ADARB2: variants seen among roughly 807,000 people sequenced by gnomAD.
The protein encoded by ADARB2 is inactive double-stranded RNA-specific editase B2.
ADARB2 carries 25 observed loss-of-function variants against 62.2 expected under a neutral mutation model. The observed-to-expected ratio is 0.40, with a 90% CI of 0.29 to 0.56. ADARB2 has a LOEUF of 0.56. Among genes scored for constraint, ADARB2 ranks in the 20% least tolerant of loss-of-function variants. The pLI, the probability that ADARB2 is intolerant of heterozygous loss-of-function variation, is 0.43. For missense variants in ADARB2, 1,071 were observed against 1,077.4 expected, an observed-to-expected ratio of 0.99 and a Z score of 0.08; for synonymous variants, 572 against 500.8, an observed-to-expected ratio of 1.14 and a Z score of -1.90.
intron 1 of ADARB2, among the ~76,000 whole-genome samples, chr10:1,421,318 C>T (rs544181278): frequency 6.6e-6 from 1 of 151,832 alleles, no homozygotes; most frequent in East Asian, 1.9e-4. Context: ...ACCCCACCCA[C>T]GCTCAGCTGT....
intron 1 of ADARB2, among the ~76,000 whole-genome samples, chr10:1,423,589 CCACTATGTATGCAGTAAGAT>C (rs1484304012): frequency 6.6e-6 from 1 of 151,966 alleles, no homozygotes; most frequent in East Asian, 1.9e-4. Context: ...TGCAGTAGGT[CCACTATGTATGCAGTAAGAT>C]CACTGTGTAT....
At chr10:1,241,557 C>T (rs1030970296) in intron 5 of ADARB2, among the ~76,000 whole-genome samples, 2 of 152,224 alleles carry the variant, frequency 1.3e-5, no homozygotes, top group Admixed American at 1.3e-4. Flanking sequence ...CCACGTGCTG[C>T]AAACCACCTG....
intron 1 of ADARB2, among the ~76,000 whole-genome samples, chr10:1,697,611 G>A (rs1834763584): frequency 6.6e-6 from 1 of 152,202 alleles, no homozygotes; most frequent in Admixed American, 6.5e-5. Context: ...ATGAGAAATT[G>A]GCTGCTTTGT....
At chr10:1,276,087 C>A (rs1831313589) in intron 3 of ADARB2, among the ~76,000 whole-genome samples, 1 of 152,096 alleles carries the variant, frequency 6.6e-6, no homozygotes, top group South Asian at 2.1e-4. Flanking sequence ...GCCACACTGA[C>A]TTCCACAATG....
In ADARB2 at chr10:1,227,201, C is replaced by T. The variant is rs1017813203; in HGVS notation, c.1513+6493G>A. On this transcript the variant is annotated intron_variant, in intron 6 of 9. Coordinates refer to ENST00000381312, the MANE Select transcript of ADARB2 (RefSeq NM_018702.4). ...GAGACTCCGTGGGTGTAGGACCCTC[C>T]GAGCCAGGTGTGGAATATAATCTCC... 1.6e-4 allele frequency among the ~76,000 whole-genome samples: 25 copies of T among 152,304 alleles called. No individual in the cohort carries two copies. The East Asian group carries it at 3.9e-3, about 24-fold the overall frequency.
At chr10:1,488,221 C>CAAA (rs573554204) in intron 1 of ADARB2, among the ~76,000 whole-genome samples, 4 of 130,336 alleles carry the variant, frequency 3.1e-5, no homozygotes, top group African/African-American at 5.3e-5. Flanking sequence ...TCAGATTTGG[C>CAAA]AAAGAAAAAA....
rs1315864771 is a variant in ADARB2 at position 1,338,234 on chromosome 10, G to A, written c.1077+24794C>T. On this transcript the variant is annotated intron_variant, in intron 3 of 9. Coordinates refer to ENST00000381312, the MANE Select transcript of ADARB2 (RefSeq NM_018702.4). ...TATTCATGCTGGCAGACTGATAAGTGTTTAACCGAACATAGCTTCAGAGCT... is the reference window on the plus strand; with the variant it reads ...TATTCATGCTGGCAGACTGATAAGTATTTAACCGAACATAGCTTCAGAGCT... 2.6e-5 allele frequency among the ~76,000 whole-genome samples: 4 copies of A among 152,314 alleles called. No individual in the cohort carries two copies. The East Asian group carries it at 7.7e-4, about 29-fold the overall frequency.
intron 1 of ADARB2, among the ~76,000 whole-genome samples, chr10:1,653,529 C>CCCGATGCCTTGTGTGTCTG (rs1368031968): frequency 6.6e-5 from 10 of 151,766 alleles, no homozygotes; most frequent in African/African-American, 1.9e-4. Context: ...GCAGTCTCCA[C>CCCGATGCCTTGTGTGTCTG]CAGACGCCTC....
intron 3 of ADARB2, among the ~76,000 whole-genome samples, chr10:1,343,581 A>G (rs1412830286): frequency 6.6e-6 from 1 of 152,288 alleles, no homozygotes; most frequent in Non-Finnish European, 1.5e-5. Flanking sequence ...GCGCATGTCC[A>G]TCGCAGCACT....
At chr10:1,321,581 C>T (rs1405336551) in intron 3 of ADARB2, among the ~76,000 whole-genome samples, 2 of 152,098 alleles carry the variant, frequency 1.3e-5, no homozygotes, top group African/African-American at 4.8e-5. Context: ...ATGGGGGTCT[C>T]ATTATGTTGC....
intron 6 of ADARB2, among the ~76,000 whole-genome samples, chr10:1,224,675 C>T (rs1179360651): frequency 1.3e-5 from 2 of 152,214 alleles, no homozygotes; most frequent in African/African-American, 4.8e-5. Context: ...GCCTTCATTT[C>T]ATTATGTACC....
chr10:1,343,927 C>G (rs1358734684), intron 3 of ADARB2, among the ~76,000 whole-genome samples: 3 of 152,144 alleles, frequency 2.0e-5, no homozygotes, highest in Non-Finnish European at 2.9e-5. Context: ...GGGCACTGTG[C>G]TAATCACATG....
At chr10:1,691,746 C>T (rs1209564618) in intron 1 of ADARB2, among the ~76,000 whole-genome samples, 1 of 152,196 alleles carries the variant, frequency 6.6e-6, no homozygotes, top group Non-Finnish European at 1.5e-5. Context: ...TCCCGCACCA[C>T]CTCCCACCAC....
chr10:1,601,998 T>TG (rs5782586), intron 1 of ADARB2, among the ~76,000 whole-genome samples: 98,408 of 152,014 alleles, frequency 0.65, 31,978 homozygotes, highest in South Asian at 0.75. Context: ...CCCTCAGAGA[T>TG]GGACTCTTGG....
chr10:1,546,623 A>G (rs768070706), intron 1 of ADARB2, among the ~76,000 whole-genome samples: 12 of 152,248 alleles, frequency 7.9e-5, no homozygotes, highest in Non-Finnish European at 1.5e-4. Context: ...GCCACCCTGT[A>G]CCAGGCATCT....
chr10:1,354,913 A>C (rs11250449), intron 3 of ADARB2, among the ~76,000 whole-genome samples: 10,393 of 152,178 alleles, frequency 0.068, 403 homozygotes, highest in African/African-American at 0.11. Flanking sequence ...GGGGAGCAAG[A>C]CCCTCTAGCC....
At chr10:1,508,391 G>A (rs1006142979) in intron 1 of ADARB2, among the ~76,000 whole-genome samples, 4 of 152,232 alleles carry the variant, frequency 2.6e-5, no homozygotes, top group Non-Finnish European at 5.9e-5. Context: ...AACATGGGGA[G>A]AACCCAGTAA....
Position 1,348,174 on chromosome 10 carries a change from G to T in ADARB2, c.1077+14854C>A, listed in dbSNP as rs1270504562. Among the ~76,000 whole-genome samples the T allele has an allele frequency of 2.0e-5, 3 of 152,332 alleles. No individual in the cohort carries two copies. In the East Asian group the frequency reaches 5.8e-4, roughly 29 times the overall value. ...GTGTGCCCTGCATTGCTGGGGGCTG[G>T]GGTGGGAGTGGCTACAAAGTCATTT... On this transcript the variant is annotated intron_variant, in intron 3 of 9. Transcript: ENST00000381312.
intron 1 of ADARB2, among the ~76,000 whole-genome samples, chr10:1,590,848 G>A (rs1490437202): frequency 6.6e-6 from 1 of 152,174 alleles, no homozygotes; most frequent in Non-Finnish European, 1.5e-5. Context: ...AACGCAGTCA[G>A]TAACCGTGCG....
Sources: allele counts gnomAD v4.1 joint callset (sites outside exome capture counted in the v4.1 genomes callset), GRCh38; gene constraint gnomAD v4.1.1; transcripts MANE v1.5; gene names NCBI Gene and HGNC (gene_info 2026-07-23, HGNC 2026-07-21).